Variants in KMT5B observed in about 807,000 individuals in gnomAD.
KMT5B encodes the protein lysine methyltransferase 5B, also known as histone-lysine N-methyltransferase KMT5B.
In KMT5B, 10 loss-of-function variants were observed where a neutral mutation model predicts 83.2. That is an observed-to-expected ratio of 0.12 (90% CI 0.07 to 0.20). The LOEUF is 0.20. KMT5B is among the 10% of genes least tolerant of loss of function. The probability of loss-of-function intolerance (pLI) is 1.00; values close to 1 mark genes in which losing one functional copy is unlikely to be tolerated. For synonymous variants in KMT5B, 349 were observed against 388.8 expected, an observed-to-expected ratio of 0.90 and a Z score of 1.20; for missense variants, 753 against 1,067.2, an observed-to-expected ratio of 0.71 and a Z score of 4.10.
intron 1 of KMT5B, among the ~76,000 whole-genome samples, chr11:68,209,361 T>G (rs1860575961): frequency 6.6e-6 from 1 of 152,076 alleles, no homozygotes; most frequent in Admixed American, 6.6e-5. Context: ...AGCTTCTACT[T>G]TCAGGAAAAT....
At chr11:68,166,387 T>C in intron 10 of KMT5B, 1 of 1,019,794 alleles carries the variant, frequency 9.8e-7, no homozygotes, top group Non-Finnish European at 1.2e-6. Context: ...CTCCTTTCCA[T>C]CTTTACTCCT....
intron 2 of KMT5B, among the ~76,000 whole-genome samples, chr11:68,187,427 T>C (rs1420894836): frequency 6.6e-6 from 1 of 152,252 alleles, no homozygotes; most frequent in Non-Finnish European, 1.5e-5. Context: ...GATTTCCTTT[T>C]TGATTTCTTC....
At chr11:68,164,144 G>A (rs1257713197) in intron 10 of KMT5B, among the ~76,000 whole-genome samples, 2 of 152,252 alleles carry the variant, frequency 1.3e-5, no homozygotes, top group Non-Finnish European at 1.5e-5. Context: ...TTGTGAAAAC[G>A]GATTCCTTGT....
chr11:68,213,608 G>A (rs1167232267), upstream of KMT5B: 30 of 153,258 alleles, frequency 2.0e-4, no homozygotes, highest in South Asian at 3.5e-4. Context: ...CTGCCCTGCC[G>A]CCCGCACCGC....
At chr11:68,213,468 G>C (rs1280236333), upstream of KMT5B, 2 of 148,228 alleles carry the variant, frequency 1.3e-5, no homozygotes, top group African/African-American at 2.5e-5. Context: ...CCGCCACCCG[G>C]GGCCTCACCT....
intron 5 of KMT5B, among the ~76,000 whole-genome samples, chr11:68,174,523 T>C (rs1483827160): frequency 6.6e-6 from 1 of 152,124 alleles, no homozygotes; most frequent in East Asian, 1.9e-4. Flanking sequence ...TATGACAAAG[T>C]TTTCTCTCCT....
At chr11:68,177,743 G>T (rs766852083) in intron 4 of KMT5B, among the ~76,000 whole-genome samples, 1 of 152,122 alleles carries the variant, frequency 6.6e-6, no homozygotes, top group African/African-American at 2.4e-5. Flanking sequence ...ACAGATAAAT[G>T]CAAGTCCTTT....
At chr11:68,176,087 G>C (rs1254066841) in intron 4 of KMT5B, among the ~76,000 whole-genome samples, 2 of 151,966 alleles carry the variant, frequency 1.3e-5, no homozygotes, top group African/African-American at 2.4e-5. Flanking sequence ...GCTAATTTTT[G>C]TATTTTTAGT....
Position 68,165,876 on chromosome 11 carries a change from C to G in KMT5B, c.1174+1106G>C, listed in dbSNP as rs778842132. ...ATGCTTGGACTCTGACTCCCAGCAG[C>G]AGGTAGATTCAGGAATTCATGGCAG... On this transcript the variant is annotated intron_variant, in intron 10 of 10. Coordinates refer to ENST00000304363, the MANE Select transcript of KMT5B (RefSeq NM_017635.5). 4 of 1,612,912 alleles carry G rather than the reference C, an allele frequency of 2.5e-6. No individual in the cohort carries two copies. The Admixed American group carries it at 6.7e-5, about 27-fold the overall frequency.
intron 1 of KMT5B, among the ~76,000 whole-genome samples, chr11:68,205,638 T>TC (rs889498404): frequency 1.3e-5 from 2 of 151,500 alleles, no homozygotes; most frequent in African/African-American, 4.9e-5. Flanking sequence ...TTTTTTTTTT[T>TC]CAGACGGAGT....
rs774055599 is a variant in KMT5B, at chr11:68,158,630, G to C, written c.1716C>G (p.Cys572Trp). The C allele has an allele frequency of 3.1e-6, 5 of 1,614,032 alleles. No homozygotes were observed. In the South Asian group the frequency reaches 5.5e-5, roughly 18 times the overall value. Residue 572 changes from cysteine to tryptophan, a missense_variant, in exon 11 of 11, where the codon TGC (cysteine) becomes TGG (tryptophan). Transcript: ENST00000304363. ...NGYKSSVTEP[C>W]PDSGEQLQPA... ...GCTGCAGCTGTTCACCACTGTCGGG[G>C]CAAGGTTCCGTCACACTGCTTTTAT...
intron 10 of KMT5B, among the ~76,000 whole-genome samples, chr11:68,161,636 C>T (rs1854879531): frequency 1.3e-5 from 2 of 150,390 alleles, no homozygotes; most frequent in Non-Finnish European, 3.0e-5. Flanking sequence ...CAGCCCTTCC[C>T]TTTCTTCATT....
Position 68,190,033 on chromosome 11 carries a change from C to T in KMT5B, c.44G>A (p.Arg15Lys). 2 of 1,614,112 alleles carry T rather than the reference C, an allele frequency of 1.2e-6. No homozygotes were observed. Among genetic ancestry groups the T allele is most frequent in the Non-Finnish European group, 1.7e-6 (2 of 1,180,004 alleles). The stretch of plus-strand genomic sequence containing the variant: ...ATTAGACAACTTGCCTCCATTTCTC[C>T]TGCCATTCACCACCATGTTCTTGGA... ...GESKNMVVNG[R>K]RNGGKLSNDH... Residue 15 changes from arginine to lysine, a missense_variant, in exon 2 of 11, where the codon AGG becomes AAG. By Grantham distance (26) the Arg-to-Lys change is conservative. Coordinates refer to ENST00000304363, the MANE Select transcript of KMT5B (RefSeq NM_017635.5).
intron 10 of KMT5B, chr11:68,166,594 A>C: frequency 2.0e-6 from 2 of 1,007,150 alleles, no homozygotes; most frequent in Non-Finnish European, 2.4e-6. Context: ...TTTTCTAACA[A>C]ACTGGCTAGG....
chr11:68,186,464 G>C (rs1446916130), intron 2 of KMT5B, among the ~76,000 whole-genome samples: 1 of 152,186 alleles, frequency 6.6e-6, no homozygotes, highest in East Asian at 1.9e-4. Context: ...CAGACAAAAA[G>C]AAACTTGCCC....
At position 68,158,110 on chromosome 11, in the gene KMT5B, T is replaced by G. The variant is rs1859432620; in HGVS notation, c.2236A>C (p.Lys746Gln). The G allele has an allele frequency of 1.9e-6, 3 of 1,614,228 alleles. No individual in the cohort carries two copies. The highest frequency in any genetic ancestry group is 1.1e-5 in the South Asian group (1 of 91,088). The change falls in exon 11 of 11, where the codon AAG becomes CAG. Residue 746 changes from lysine to glutamine, a missense_variant. By Grantham distance (53) the Lys-to-Gln change is moderately conservative. Around this residue, in one of 9 missense-constraint regions of KMT5B, gnomAD observed 161 missense variants for 195.1 expected, o/e 0.83. Coordinates refer to ENST00000304363, the MANE Select transcript of KMT5B (RefSeq NM_017635.5). ...TCGTTGTCATGGTCTTTGCTTAACT[T>G]GATGCTTATTTTGGAAGAGTTCATT... ...DGMNSSKISIKLSKDHDNDNN... is the reference protein window; with the variant it reads ...DGMNSSKISIQLSKDHDNDNN...
chr11:68,206,928 C>A (rs1482487436), intron 1 of KMT5B, among the ~76,000 whole-genome samples: 1 of 152,188 alleles, frequency 6.6e-6, no homozygotes, highest in Non-Finnish European at 1.5e-5. Flanking sequence ...TAACTTCTGG[C>A]TGCAACACGC....
At chr11:68,189,811 C>A in intron 2 of KMT5B, 106 bp downstream of exon 2, 1 of 1,198,068 alleles carries the variant, frequency 8.3e-7, no homozygotes, top group Non-Finnish European at 1.1e-6. Flanking sequence ...TATGAAAATG[C>A]AAAAAATTAT....
chr11:68,212,099 A>T (rs1329164650), intron 1 of KMT5B, among the ~76,000 whole-genome samples: 1 of 152,220 alleles, frequency 6.6e-6, no homozygotes, highest in African/African-American at 2.4e-5. Context: ...ACTACTAATT[A>T]TCAATATTAT....
Sources: allele counts gnomAD v4.1 joint callset (sites outside exome capture counted in the v4.1 genomes callset), GRCh38; gene constraint gnomAD v4.1.1; regional missense constraint gnomAD v4.1.1; transcripts MANE v1.5; gene names NCBI Gene and HGNC (gene_info 2026-07-23, HGNC 2026-07-21).